The following DTNB variants were observed in gnomAD, a reference collection of about 807,000 sequenced individuals.
DTNB encodes DTN-B.
In DTNB, 63 loss-of-function variants were observed where a neutral mutation model predicts 90.7. The ratio of observed to expected loss-of-function variants is 0.69; its 90% CI spans 0.57 to 0.86. DTNB has a LOEUF of 0.86. DTNB is among the 40% of genes least tolerant of loss of function. The probability of loss-of-function intolerance (pLI) is 0.00; values close to 1 mark genes in which losing one functional copy is unlikely to be tolerated. For synonymous variants in DTNB, 277 were observed against 286.7 expected, an observed-to-expected ratio of 0.97 and a Z score of 0.34; for missense variants, 744 against 807.1, an observed-to-expected ratio of 0.92 and a Z score of 0.95.
chr2:25,421,651 C>G (rs188757118), intron 15 of DTNB, among the ~76,000 whole-genome samples: 2 of 152,274 alleles, frequency 1.3e-5, no homozygotes, highest in East Asian at 3.9e-4. Context: ...ATGGGGCAAT[C>G]CTAACAGGCT....
intron 6 of DTNB, among the ~76,000 whole-genome samples, chr2:25,586,583 ACT>A (rs1239064843): frequency 6.6e-6 from 1 of 151,890 alleles, no homozygotes; most frequent in Non-Finnish European, 1.5e-5. Context: ...TTTTCCAGAC[ACT>A]GTCAGTCACT....
intron 9 of DTNB, among the ~76,000 whole-genome samples, chr2:25,500,419 G>A (rs1272364969): frequency 2.0e-5 from 3 of 152,144 alleles, no homozygotes; most frequent in East Asian, 1.9e-4. Flanking sequence ...AGGCAGCAGC[G>A]CTCCTCATGC....
chr2:25,650,828 G>A (rs2080760911), intron 2 of DTNB, among the ~76,000 whole-genome samples: 1 of 152,178 alleles, frequency 6.6e-6, no homozygotes, highest in South Asian at 2.1e-4. Flanking sequence ...AGGCGCGGTG[G>A]CAGGCACCTG....
chr2:25,494,929 G>A (rs1334893425), intron 9 of DTNB, among the ~76,000 whole-genome samples: 2 of 151,966 alleles, frequency 1.3e-5, no homozygotes, highest in African/African-American at 4.8e-5. Context: ...AAGGGAGGCT[G>A]CAGAACAAAT....
At chr2:25,426,757 A>G (rs1019326768) in intron 15 of DTNB, 4 of 152,232 alleles carry the variant, frequency 2.6e-5, no homozygotes, top group African/African-American at 9.6e-5. Flanking sequence ...AGATATCTTT[A>G]TATACATTCT....
At chr2:25,536,752 G>T (rs143179745) in intron 8 of DTNB, among the ~76,000 whole-genome samples, 4 of 152,080 alleles carry the variant, frequency 2.6e-5, no homozygotes, top group African/African-American at 4.8e-5. Context: ...CGGGAGAGGG[G>T]AGAGGGAGAG....
At chr2:25,593,816 A>T (rs947438152) in intron 6 of DTNB, among the ~76,000 whole-genome samples, 1 of 152,198 alleles carries the variant, frequency 6.6e-6, no homozygotes, top group African/African-American at 2.4e-5. Flanking sequence ...TTAGGTTTAT[A>T]CCCCACATAA....
chr2:25,491,152 CACACAG>C (rs2067340891), intron 9 of DTNB, among the ~76,000 whole-genome samples: 1 of 74,626 alleles, frequency 1.3e-5, no homozygotes, highest in Non-Finnish European at 2.3e-5. Flanking sequence ...CACACACACA[CACACAG>C]ACACACACAC....
At chr2:25,560,023 TG>T (rs2058017476) in intron 8 of DTNB, among the ~76,000 whole-genome samples, 1 of 152,152 alleles carries the variant, frequency 6.6e-6, no homozygotes. Flanking sequence ...CCAAGGCGGG[TG>T]GATCACCTGA....
At chr2:25,438,036 G>A (rs2056408153) in intron 12 of DTNB, among the ~76,000 whole-genome samples, 1 of 152,190 alleles carries the variant, frequency 6.6e-6, no homozygotes, top group African/African-American at 2.4e-5. Context: ...ACTCAATGAA[G>A]TGAGGAAGCC....
intron 8 of DTNB, among the ~76,000 whole-genome samples, chr2:25,571,800 A>G (rs1559074913): frequency 1.3e-5 from 2 of 152,098 alleles, no homozygotes; most frequent in African/African-American, 4.8e-5. Flanking sequence ...TGGTCAATGT[A>G]TATCGGCAGT....
At chr2:25,631,625 A>G (rs1398567040) in intron 3 of DTNB, among the ~76,000 whole-genome samples, 2 of 152,072 alleles carry the variant, frequency 1.3e-5, no homozygotes, top group African/African-American at 2.4e-5. Context: ...CAGGAACTTT[A>G]TATTTATTTA....
intron 1 of DTNB, among the ~76,000 whole-genome samples, chr2:25,662,956 A>ACATG (rs2083562283): frequency 6.6e-6 from 1 of 152,184 alleles, no homozygotes; most frequent in South Asian, 2.1e-4. Flanking sequence ...CAGGCTTGTT[A>ACATG]CATGGGTATA....
intron 14 of DTNB, among the ~76,000 whole-genome samples, chr2:25,431,017 T>C (rs2053681005): frequency 6.6e-6 from 1 of 152,208 alleles, no homozygotes; most frequent in African/African-American, 2.4e-5. Context: ...CCTGGCCTCA[T>C]ATATACTGAT....
intron 1 of DTNB, among the ~76,000 whole-genome samples, chr2:25,660,070 C>T (rs1176918440): frequency 6.6e-6 from 1 of 152,098 alleles, no homozygotes; most frequent in African/African-American, 2.4e-5. Flanking sequence ...ATCAATGGAA[C>T]AGACTGGGAG....
chr2:25,625,350 A>T (rs2073877769), intron 4 of DTNB, among the ~76,000 whole-genome samples: 1 of 152,174 alleles, frequency 6.6e-6, no homozygotes, highest in Non-Finnish European at 1.5e-5. Context: ...TGATAACCAG[A>T]TTCTTTCTTT....
At chr2:25,594,263 AT>A (rs2064135859) in intron 6 of DTNB, among the ~76,000 whole-genome samples, 1 of 152,202 alleles carries the variant, frequency 6.6e-6, no homozygotes, top group Non-Finnish European at 1.5e-5. Context: ...GCATGGAGAT[AT>A]TTTTAATATG....
At chr2:25,513,988 T>A (rs2074480643) in intron 9 of DTNB, among the ~76,000 whole-genome samples, 3 of 140,792 alleles carry the variant, frequency 2.1e-5, no homozygotes, top group African/African-American at 5.2e-5. Context: ...GGCAGTAAAA[T>A]GAGTTTGGTG....
chr2:25,403,037 C>T (rs1405268242), intron 16 of DTNB, among the ~76,000 whole-genome samples: 1 of 152,160 alleles, frequency 6.6e-6, no homozygotes, highest in Non-Finnish European at 1.5e-5. Context: ...GATAGAGAAA[C>T]TCATAAATTC....
Sources: allele counts gnomAD v4.1 joint callset (sites outside exome capture counted in the v4.1 genomes callset), GRCh38; gene constraint gnomAD v4.1.1; transcripts MANE v1.5; gene names NCBI Gene and HGNC (gene_info 2026-07-23, HGNC 2026-07-21).